The following CXCR2 variants were observed in gnomAD, a reference collection of about 807,000 sequenced individuals.
CXCR2 encodes the protein C-X-C chemokine receptor type 2.
CXCR2 carries 2 observed loss-of-function variants against 3.7 expected under a neutral mutation model. The observed-to-expected ratio is 0.55, with a 90% CI of 0.22 to 1.72. The LOEUF (loss-of-function observed/expected upper bound fraction) is 1.72, where lower values mean the gene tolerates loss of function less well. Ranked by LOEUF, CXCR2 falls within the 40% of genes most tolerant of loss-of-function variation. The pLI is 0.19. For synonymous variants in CXCR2, 203 were observed against 193.3 expected, an observed-to-expected ratio of 1.05 and a Z score of -0.41; for missense variants, 351 against 450.1, an observed-to-expected ratio of 0.78 and a Z score of 1.99.
In CXCR2 at chr2:218,136,400, C is replaced by A. The variant is rs56175425; in HGVS notation, c.*516C>A. ...AGTGAGCCGAGATTGTGCCCCTGCA[C>A]TCCAGCCTGAGCGACAGTGAGACTC... On this transcript the variant is annotated 3_prime_UTR_variant, in exon 3 of 3. Transcript: ENST00000318507. 5.9e-6 allele frequency: 1 copy of A among 170,100 alleles called. No individual in the cohort carries two copies. The highest frequency in any genetic ancestry group is 1.4e-5 in the Non-Finnish European group (1 of 70,142). 10.5% of individuals were successfully genotyped at this position (170,100 alleles called of 1,614,324 possible). A position where few individuals can be genotyped will look rare whatever the true frequency, so the allele number is the denominator to read the frequency against.
At chr2:218,127,106 A>G (rs1197258507) in intron 1 of CXCR2, among the ~76,000 whole-genome samples, 1 of 152,072 alleles carries the variant, frequency 6.6e-6, no homozygotes, top group Non-Finnish European at 1.5e-5. Flanking sequence ...GACTTCTCCA[A>G]GCAGGATTAG....
rs1227463425 is a variant in CXCR2, at chr2:218,135,186, A to G, written c.385A>G (p.Asn129Asp). Residue 129 changes from asparagine (N) to aspartate (D), a missense_variant, in exon 3 of 3, where the codon AAC (asparagine) becomes GAC (aspartate). Asn to Asp is a conservative substitution (Grantham distance 23). Transcript: ENST00000318507. This position sits in a 1 kb window ranked among gnomAD's most constrained non-coding sequence, Gnocchi z 4.0. ...GGTGGTCTCACTCCTGAAGGAAGTCAACTTCTATAGTGGCATCCTGCTACT... is the reference window on the plus strand; with the variant it reads ...GGTGGTCTCACTCCTGAAGGAAGTCGACTTCTATAGTGGCATCCTGCTACT... ...CKVVSLLKEV[N>D]FYSGILLLAC... 3 of 1,614,066 alleles carry G rather than the reference A, an allele frequency of 1.9e-6. No individual in the cohort carries two copies. The highest frequency in any genetic ancestry group is 2.5e-6 in the Non-Finnish European group (3 of 1,180,054).
chr2:218,133,910 C>T (rs1248807908), intron 2 of CXCR2, among the ~76,000 whole-genome samples: 1 of 152,220 alleles, frequency 6.6e-6, no homozygotes, highest in Non-Finnish European at 1.5e-5. Context: ...CCCCAAATAA[C>T]CTGTTACGTT....
Position 218,136,108 on chromosome 2 carries a change from G to A in CXCR2, c.*224G>A. On this transcript the variant is annotated 3_prime_UTR_variant, in exon 3 of 3. Coordinates refer to ENST00000318507, the MANE Select transcript of CXCR2 (RefSeq NM_001557.4). ...CATAATTACTATGTCATTTGCTGGA[G>A]CTCTGCCCATCCTGCCCCTGAGCCC... 3.5e-6 allele frequency: 2 copies of A among 564,438 alleles called. No homozygotes were observed. Among genetic ancestry groups the A allele is most frequent in the Non-Finnish European group, 6.3e-6 (2 of 318,524 alleles). 35.0% of individuals were successfully genotyped at this position (564,438 alleles called of 1,614,324 possible). A position where few individuals can be genotyped will look rare whatever the true frequency, so the allele number is the denominator to read the frequency against.
chr2:218,133,517 C>T (rs1444661132), intron 2 of CXCR2, among the ~76,000 whole-genome samples: 1 of 152,010 alleles, frequency 6.6e-6, no homozygotes, highest in African/African-American at 2.4e-5. Flanking sequence ...CCAGGCTGCT[C>T]TCAAACTCCT....
intron 1 of CXCR2, among the ~76,000 whole-genome samples, chr2:218,127,245 G>A (rs1690533651): frequency 6.6e-6 from 1 of 152,186 alleles, no homozygotes; most frequent in African/African-American, 2.4e-5. Flanking sequence ...TTATGCCTCA[G>A]CCTCTGGAGT....
At chr2:218,130,219 G>A (rs17844682) in intron 2 of CXCR2, among the ~76,000 whole-genome samples, 11,653 of 152,072 alleles carry the variant, frequency 0.077, 550 homozygotes, top group African/African-American at 0.12. Context: ...TCAGGAGTTC[G>A]AGACCAGCCC....
intron 2 of CXCR2, among the ~76,000 whole-genome samples, chr2:218,132,451 A>C (rs1229392969): frequency 6.6e-6 from 1 of 152,236 alleles, no homozygotes; most frequent in East Asian, 1.9e-4. Flanking sequence ...CTCATGGCTG[A>C]ATAATATTCT....
intron 2 of CXCR2, 107 bp downstream of exon 2, chr2:218,129,472 T>TGGGCCCCTCACCCTCACCCCTTGGC (rs1690589992): frequency 6.6e-6 from 1 of 152,318 alleles, no homozygotes; most frequent in Non-Finnish European, 1.5e-5. Flanking sequence ...CCACCCTTGG[T>TGGGCCCCTCACCCTCACCCCTTGGC]GGGCCCCTCA....
At chr2:218,125,688 CTT>C (rs1327467475), upstream of CXCR2, 7 of 152,706 alleles carry the variant, frequency 4.6e-5, no homozygotes, top group Non-Finnish European at 1.0e-4. Context: ...GTTGCAGTGT[CTT>C]TGTTGAGCAG....
rs557064809 is a variant in CXCR2, at chr2:218,128,774, G to A, written c.-77-540G>A. 3.9e-5 allele frequency among the ~76,000 whole-genome samples: 6 copies of A among 152,298 alleles called. No individual in the cohort carries two copies. In the South Asian group the frequency reaches 1.2e-3, roughly 32 times the overall value. On this transcript the variant is annotated intron_variant, in intron 1 of 2. Transcript: ENST00000318507. ...ACTTGTGGTCAGAGCAGATGGTTGG[G>A]GAGTGAGGGGAAAGACAAGAGGCAG...
chr2:218,131,386 C>A (rs2106103150), intron 2 of CXCR2, among the ~76,000 whole-genome samples: 1 of 152,310 alleles, frequency 6.6e-6, no homozygotes, highest in African/African-American at 2.4e-5. Flanking sequence ...CCTCTCAATA[C>A]CTCCCCAGCC....
At position 218,131,755 on chromosome 2, in the gene CXCR2, C is replaced by A. The variant is rs1426365725; in HGVS notation, c.-26+2390C>A. ...AAGTGCTGGGAGCCACCACGCCCGG[C>A]CCAAATGTTAACTTTTATTGTTGTG... On this transcript the variant is annotated intron_variant, in intron 2 of 2. Coordinates refer to ENST00000318507, the MANE Select transcript of CXCR2 (RefSeq NM_001557.4). 5.3e-5 allele frequency among the ~76,000 whole-genome samples: 8 copies of A among 151,536 alleles called. No individual in the cohort carries two copies. The Admixed American group carries it at 5.3e-4, about 10-fold the overall frequency.
rs775949328 is a variant in CXCR2 at position 218,135,793 on chromosome 2, T to C, written c.992T>C (p.Ile331Thr). 1 of 1,613,976 alleles carries C rather than the reference T, an allele frequency of 6.2e-7. No homozygotes were observed. Among genetic ancestry groups the C allele is most frequent in the African/African-American group, 1.3e-5 (1 of 74,886 alleles). The stretch of plus-strand genomic sequence containing the variant: ...CATGGACTCCTCAAGATTCTAGCTA[T>C]ACATGGCTTGATCAGCAAGGACTCC... ...FRHGLLKILA[I>T]HGLISKDSLP... The change falls in exon 3 of 3, where the codon ATA (isoleucine) becomes ACA (threonine). Residue 331 changes from isoleucine (I) to threonine (T), a missense_variant. Coordinates refer to ENST00000318507, the MANE Select transcript of CXCR2 (RefSeq NM_001557.4). This position sits in a 1 kb window ranked among gnomAD's most constrained non-coding sequence, Gnocchi z 4.0.
intron 2 of CXCR2, 100 bp from the exon 3 acceptor site, chr2:218,134,677 A>G (rs916503546): frequency 1.8e-6 from 2 of 1,121,224 alleles, no homozygotes; most frequent in East Asian, 2.5e-5. Flanking sequence ...CTACATTGTA[A>G]TACTCAAGCC....
In CXCR2 at chr2:218,135,649, A is replaced by G. The variant is rs1191265576; in HGVS notation, c.848A>G (p.Gln283Arg). The G allele has an allele frequency of 1.9e-6, 3 of 1,614,088 alleles. No homozygotes were observed. In the African/African-American group the frequency reaches 4.0e-5, roughly 22 times the overall value. Residue 283 changes from glutamine (Q) to arginine (R), a missense_variant, in exon 3 of 3, where the codon CAG becomes CGG. Transcript: ENST00000318507. This position sits in a 1 kb window ranked among gnomAD's most constrained non-coding sequence, Gnocchi z 4.0. ...ACCCTCATGAGGACCCAGGTGATCC[A>G]GGAGACCTGTGAGCGCCGCAATCAC... ...ADTLMRTQVI[Q>R]ETCERRNHID...
Position 218,126,303 on chromosome 2 carries a change from C to G in CXCR2, c.-128C>G, listed in dbSNP as rs1690507188. 6.6e-6 allele frequency: 1 copy of G among 152,400 alleles called. No individual in the cohort carries two copies. Among genetic ancestry groups the G allele is most frequent in the African/African-American group, 2.4e-5 (1 of 41,452 alleles). 9.4% of individuals were successfully genotyped at this position (152,400 alleles called of 1,614,324 possible). ...TCCTGTCTAACAGCTCTGACTACCA[C>G]CCAACCTTGAGGCACAGTGAAGACA... On this transcript the variant is annotated 5_prime_UTR_variant, in exon 1 of 3. Coordinates refer to ENST00000318507, the MANE Select transcript of CXCR2 (RefSeq NM_001557.4).
intron 1 of CXCR2, among the ~76,000 whole-genome samples, chr2:218,127,098 C>T (rs887977762): frequency 4.6e-5 from 7 of 152,098 alleles, no homozygotes; most frequent in African/African-American, 1.7e-4. Flanking sequence ...GAAAGAATGA[C>T]TTCTCCAAGC....
Position 218,134,879 on chromosome 2 carries a change from C to T in CXCR2, c.78C>T (p.Ser26=), listed in dbSNP as rs952339154. 78 of 1,614,156 alleles carry T rather than the reference C, an allele frequency of 4.8e-5. No individual in the cohort carries two copies. Among genetic ancestry groups the T allele is most frequent in the Non-Finnish European group, 6.5e-5 (77 of 1,180,032 alleles). The change falls in exon 3 of 3, where the codon AGC becomes AGT. Residue 26 remains serine (S), a synonymous_variant. Coordinates refer to ENST00000318507, the MANE Select transcript of CXCR2 (RefSeq NM_001557.4). ...AAGATCTTAGTAATTACAGTTACAG[C>T]TCTACCCTGCCCCCTTTTCTACTAG... The part of the protein sequence containing the change: ...KGEDLSNYSY[S]STLPPFLLDA...
Sources: gnomAD v4.1 joint callset for allele counts (sites outside exome capture counted in the v4.1 genomes callset) on GRCh38, gnomAD v4.1.1 for gene constraint, Gnocchi (gnomAD v3.1) non-coding constraint, MANE v1.5 for transcripts, NCBI Gene and HGNC (gene_info 2026-07-23, HGNC 2026-07-21) for gene names.